Variants in LRP3 observed in about 807,000 individuals in gnomAD.
The protein encoded by LRP3 is LDL receptor related protein 3, also known as low-density lipoprotein receptor-related protein 3.
A neutral mutation model predicts 58.5 loss-of-function variants in LRP3; 49 were observed. The ratio of observed to expected loss-of-function variants is 0.84; its 90% CI spans 0.67 to 1.06. The LOEUF (loss-of-function observed/expected upper bound fraction) is 1.06, where lower values mean the gene tolerates loss of function less well. LRP3 is among the 50% of genes least tolerant of loss of function. The pLI, the probability that LRP3 is intolerant of heterozygous loss-of-function variation, is 0.00. For synonymous variants in LRP3, 485 were observed against 492.2 expected, an observed-to-expected ratio of 0.99 and a Z score of 0.20; for missense variants, 1,019 against 1,134.2, an observed-to-expected ratio of 0.90 and a Z score of 1.46.
chr19:33,206,452 G>A, intron 5 of LRP3, 90 bp downstream of exon 5: 2 of 1,594,628 alleles, frequency 1.3e-6, no homozygotes, highest in Non-Finnish European at 1.7e-6. Context: ...ACGGGGGCCT[G>A]GACTAGCTAC....
Position 33,207,755 on chromosome 19 carries a change from G to GA in LRP3, c.*180_*181insA. 1.7e-6 allele frequency: 1 copy of GA among 598,874 alleles called. No individual in the cohort carries two copies. Among genetic ancestry groups the GA allele is most frequent in the Non-Finnish European group, 3.0e-6 (1 of 337,546 alleles). 37.1% of individuals were successfully genotyped at this position (598,874 alleles called of 1,614,324 possible). On this transcript the variant is annotated 3_prime_UTR_variant, in exon 7 of 7. Transcript: ENST00000253193. ...CGGGAGCTGTGGGACTGAACGGCGG[G>GA]GGGGAGAAGAGTGGAGTGGTGAGCC...
At chr19:33,206,944 C>T (rs1974421673) in intron 6 of LRP3, 44 bp from the exon 7 acceptor site, 5 of 1,370,878 alleles carry the variant, frequency 3.6e-6, no homozygotes, top group Non-Finnish European at 4.8e-6. Flanking sequence ...CCTGTCTGCC[C>T]CCTCAGCCGC....
chr19:33,195,264 C>T (rs1221030974), intron 1 of LRP3, among the ~76,000 whole-genome samples: 1 of 152,142 alleles, frequency 6.6e-6, no homozygotes, highest in Non-Finnish European at 1.5e-5. Flanking sequence ...CTGGTGTAAG[C>T]CGCAGATGGG....
chr19:33,206,485 C>T, intron 5 of LRP3, 116 bp from the exon 6 acceptor site: 1 of 1,592,428 alleles, frequency 6.3e-7, no homozygotes. Context: ...CTGGTGCACA[C>T]TGGGGTCCCT....
intron 2 of LRP3, among the ~76,000 whole-genome samples, chr19:33,197,556 G>A (rs570772630): frequency 6.6e-6 from 1 of 152,346 alleles, no homozygotes; most frequent in South Asian, 2.1e-4. Context: ...GAGCCCAGGA[G>A]TTTGAGATTG....
Position 33,204,632 on chromosome 19 carries a change from C to A in LRP3, c.261-6C>A, listed in dbSNP as rs564684249. 4.4e-6 allele frequency: 7 copies of A among 1,600,206 alleles called. No homozygotes were observed. In the African/African-American group the frequency reaches 8.0e-5, roughly 18 times the overall value. ...TCATGTCTGGGTCCTCTCCGCCCCC[C>A]CGCAGCTTCCGCAACTTTGACGTGG... On this transcript the variant is annotated splice_region_variant and splice_polypyrimidine_tract_variant and intron_variant, in intron 3 of 6. Transcript: ENST00000253193.
intron 5 of LRP3, 41 bp from the exon 6 acceptor site, chr19:33,206,560 C>T (rs369102154): frequency 1.5e-5 from 24 of 1,594,994 alleles, no homozygotes; most frequent in African/African-American, 1.2e-4. Flanking sequence ...CTGCAGGTCC[C>T]GGGCAGCCCA....
In LRP3 at chr19:33,207,501, G is replaced by T. The variant is rs1437508856; in HGVS notation, c.2239G>T (p.Val747Phe). 3.1e-6 allele frequency: 5 copies of T among 1,602,832 alleles called. No individual in the cohort carries two copies. Among genetic ancestry groups the T allele is most frequent in the Non-Finnish European group, 4.2e-6 (5 of 1,177,864 alleles). The change falls in exon 7 of 7, where the codon GTC (valine) becomes TTC (phenylalanine). Residue 747 changes from valine (V) to phenylalanine (F), a missense_variant. By Grantham distance (50) the Val-to-Phe change is conservative. Coordinates refer to ENST00000253193, the MANE Select transcript of LRP3 (RefSeq NM_002333.4). The part of the protein sequence containing the change: ...LGPHSPEPLG[V>F]CRNPPPPCSP... ...CCCCCACTCGCCAGAGCCACTGGGG[G>T]TCTGCAGGAACCCCCCGCCCCCCTG...
Position 33,205,721 on chromosome 19 carries a change from C to A in LRP3, c.951C>A (p.Arg317=), listed in dbSNP as rs137981177. ...AGGTATACGAGGGCCTGGGCGAGCG[C>A]GGGGACCGCCTGCTGCAGACGCTGT... ...YVQVYEGLGE[R]GDRLLQTLSY... The change falls in exon 5 of 7, where the codon CGC becomes CGA. Residue 317 remains arginine (R), a synonymous_variant. Transcript: ENST00000253193. 2.5e-6 allele frequency: 4 copies of A among 1,600,642 alleles called. No homozygotes were observed. Among genetic ancestry groups the A allele is most frequent in the Non-Finnish European group, 2.5e-6 (3 of 1,177,864 alleles).
Position 33,205,372 on chromosome 19 carries a change from C to G in LRP3, c.602C>G (p.Ser201Trp), listed in dbSNP as rs375374053. The G allele has an allele frequency of 1.3e-6, 2 of 1,599,062 alleles. No individual in the cohort carries two copies. The highest frequency in any genetic ancestry group is 2.2e-5 in the East Asian group (1 of 44,472). ...GACGGCTCTGATGAGGGCAACTGCT[C>G]GGCGCCCGCCTCCGAGCCTCCAGGC... ...CGDGSDEGNC[S>W]APASEPPGSL... Residue 201 changes from serine to tryptophan, a missense_variant, in exon 5 of 7, where the codon TCG becomes TGG. Around this residue, in one of 2 missense-constraint regions of LRP3, gnomAD observed 592 missense variants for 725.5 expected, o/e 0.82. Transcript: ENST00000253193.
intron 2 of LRP3, among the ~76,000 whole-genome samples, chr19:33,198,042 G>T (rs1380956314): frequency 6.6e-6 from 1 of 152,182 alleles, no homozygotes; most frequent in African/African-American, 2.4e-5. Flanking sequence ...CCAATTTCCA[G>T]GAAAAGGCTG....
In LRP3 at chr19:33,206,189, C is replaced by G; in HGVS notation, c.1419C>G (p.Arg473=). ...ACCTGTGCATCTTCGAGACGTGGCG[C>G]TGTGACGGCCAGGAAGACTGCCAGG... is the stretch of plus-strand genomic sequence containing the variant. ...GTNLCIFETW[R]CDGQEDCQDG... The change falls in exon 5 of 7, where the codon CGC becomes CGG. Residue 473 remains arginine, a synonymous_variant. Transcript: ENST00000253193. 6.3e-7 allele frequency: 1 copy of G among 1,594,712 alleles called. No individual in the cohort carries two copies. Among genetic ancestry groups the G allele is most frequent in the Non-Finnish European group, 8.5e-7 (1 of 1,170,172 alleles).
chr19:33,205,556 C>A lies in LRP3; in HGVS notation c.786C>A (p.Tyr262Ter). ...LACGRRLGSF[Y>*]GSFASPDLFG... Reference sequence around the variant, plus strand: ...GCGGCCGGCGGCTGGGCAGCTTCTACGGCTCCTTTGCCTCCCCAGACCTGT... The same window carrying A: ...GCGGCCGGCGGCTGGGCAGCTTCTAAGGCTCCTTTGCCTCCCCAGACCTGT... Residue 262 changes from tyrosine to a stop codon, truncating the protein, a stop_gained, in exon 5 of 7, where the codon TAC becomes TAA. Transcript: ENST00000253193. LOFTEE classifies it high-confidence loss of function. 1.2e-6 allele frequency: 2 copies of A among 1,600,980 alleles called. No individual in the cohort carries two copies. The highest frequency in any genetic ancestry group is 2.2e-5 in the South Asian group (2 of 90,380).
chr19:33,199,883 G>T (rs967179438), intron 2 of LRP3, among the ~76,000 whole-genome samples: 2 of 152,226 alleles, frequency 1.3e-5, no homozygotes, highest in Non-Finnish European at 2.9e-5. Flanking sequence ...TTCCCAGAAA[G>T]CGTGGGTGAG....
At position 33,205,447 on chromosome 19, in the gene LRP3, G is replaced by A. The variant is rs557579202; in HGVS notation, c.677G>A (p.Arg226His). ...TFPCSGARST[R>H]CLPVERRCDG... ...CCATGCAGCGGGGCGCGCTCCACGC[G>A]CTGCCTGCCTGTGGAGCGGCGCTGT... is the stretch of plus-strand genomic sequence containing the variant. Residue 226 changes from arginine (R) to histidine (H), a missense_variant, in exon 5 of 7, where the codon CGC (arginine) becomes CAC (histidine). Physicochemically the swap from Arg to His is conservative, Grantham distance 29. Transcript: ENST00000253193. 28 of 1,586,536 alleles carry A rather than the reference G, an allele frequency of 1.8e-5. No individual in the cohort carries two copies. The highest frequency in any genetic ancestry group is 1.7e-4 in the Middle Eastern group (1 of 5,984).
chr19:33,196,414 C>T (rs574588104), intron 1 of LRP3, among the ~76,000 whole-genome samples: 1 of 152,166 alleles, frequency 6.6e-6, no homozygotes, highest in Non-Finnish European at 1.5e-5. Context: ...AAAAAATAAC[C>T]AGGCATAGTG....
Position 33,208,511 on chromosome 19 carries a change from A to C in LRP3, c.*936A>C. On this transcript the variant is annotated 3_prime_UTR_variant, in exon 7 of 7. Transcript: ENST00000253193. The surrounding 1 kb of genome is among the most constrained non-coding windows in gnomAD (Gnocchi z 4.7). ...GGGGACTCTGGGTGCCATGGTAGGG[A>C]GCGCCTGTGTCAAGCAGCAAAGCCC... 1 of 304,892 alleles carries C rather than the reference A, an allele frequency of 3.3e-6. No individual in the cohort carries two copies. The highest frequency in any genetic ancestry group is 6.3e-6 in the Non-Finnish European group (1 of 158,962). 18.9% of individuals were successfully genotyped at this position (304,892 alleles called of 1,614,324 possible).
chr19:33,198,087 GGTA>G (rs1007220880), intron 2 of LRP3, among the ~76,000 whole-genome samples: 25 of 152,182 alleles, frequency 1.6e-4, no homozygotes, highest in African/African-American at 5.8e-4. Flanking sequence ...CTGTGGCCAT[GGTA>G]GAGTCAGGGG....
At chr19:33,206,950 G>T in intron 6 of LRP3, 38 bp from the exon 7 acceptor site, 1 of 1,395,660 alleles carries the variant, frequency 7.2e-7, no homozygotes, top group Non-Finnish European at 9.5e-7. Flanking sequence ...TGCCCCCTCA[G>T]CCGCATCCCC....
Sources: gnomAD v4.1 joint callset for allele counts (sites outside exome capture counted in the v4.1 genomes callset) on GRCh38, gnomAD v4.1.1 for gene constraint, gnomAD v4.1.1 regional missense constraint, Gnocchi (gnomAD v3.1) non-coding constraint, MANE v1.5 for transcripts, NCBI Gene and HGNC (gene_info 2026-07-23, HGNC 2026-07-21) for gene names.